MCC: variants seen among roughly 807,000 people sequenced by gnomAD.
The protein encoded by MCC is colorectal mutant cancer protein.
A neutral mutation model predicts 116.2 loss-of-function variants in MCC; 90 were observed. The ratio of observed to expected loss-of-function variants is 0.77; its 90% CI spans 0.65 to 0.92. The LOEUF (loss-of-function observed/expected upper bound fraction) is 0.92. Among genes scored for constraint, MCC ranks in the 40% least tolerant of loss-of-function variants. The probability of loss-of-function intolerance (pLI) is 0.00; values close to 1 mark genes in which losing one functional copy is unlikely to be tolerated. For synonymous variants in MCC, 578 were observed against 510.5 expected, an observed-to-expected ratio of 1.13 and a Z score of -1.78; for missense variants, 1,516 against 1,312.2, an observed-to-expected ratio of 1.16 and a Z score of -2.40.
intron 3 of MCC, among the ~76,000 whole-genome samples, chr5:113,303,656 T>A (rs1766915990): frequency 6.6e-6 from 1 of 152,060 alleles, no homozygotes; most frequent in Admixed American, 6.5e-5. Context: ...TGAGAGAGCA[T>A]ATGGAGATAA....
chr5:113,068,038 C>A (rs1184781502), intron 13 of MCC, 42 bp downstream of exon 13: 12 of 1,515,456 alleles, frequency 7.9e-6, no homozygotes, highest in Non-Finnish European at 1.1e-5. Flanking sequence ...GCAAAGGAGG[C>A]AGGGAGACAA....
chr5:113,399,074 G>A (rs544668578), intron 1 of MCC, among the ~76,000 whole-genome samples: 15 of 152,188 alleles, frequency 9.9e-5, no homozygotes, highest in African/African-American at 3.4e-4. Context: ...GACAGCACAA[G>A]TATAGAATAT....
intron 11 of MCC, among the ~76,000 whole-genome samples, chr5:113,080,699 T>C (rs998853934): frequency 1.3e-5 from 2 of 151,802 alleles, no homozygotes; most frequent in African/African-American, 2.4e-5. Flanking sequence ...ATATACCTAA[T>C]GTAAATGATG....
chr5:113,425,117 T>C (rs1448798529), intron 1 of MCC, among the ~76,000 whole-genome samples: 1 of 151,966 alleles, frequency 6.6e-6, no homozygotes, highest in Non-Finnish European at 1.5e-5. Context: ...ATCAGAACAT[T>C]GGGCAAAGAG....
chr5:113,079,696 G>T (rs149649358), intron 11 of MCC, among the ~76,000 whole-genome samples: 6 of 152,008 alleles, frequency 3.9e-5, no homozygotes, highest in African/African-American at 1.4e-4. Flanking sequence ...ACCTAAAACC[G>T]TAAAACCTCT....
At chr5:113,401,154 C>A (rs1262478177) in intron 1 of MCC, among the ~76,000 whole-genome samples, 1 of 152,116 alleles carries the variant, frequency 6.6e-6, no homozygotes, top group African/African-American at 2.4e-5. Flanking sequence ...TCCTTCAGAT[C>A]ATTTCAGGTC....
chr5:113,445,252 G>T (rs1771176756), intron 1 of MCC, among the ~76,000 whole-genome samples: 2 of 152,082 alleles, frequency 1.3e-5, no homozygotes, highest in South Asian at 4.1e-4. Context: ...GAGCAATCAG[G>T]CAAGAGAAAT....
intron 3 of MCC, among the ~76,000 whole-genome samples, chr5:113,171,772 T>G (rs917808120): frequency 3.9e-5 from 6 of 152,056 alleles, no homozygotes; most frequent in African/African-American, 1.4e-4. Context: ...GGCAAGGGAA[T>G]TCTCCAGAAT....
intron 4 of MCC, among the ~76,000 whole-genome samples, chr5:113,147,871 A>G (rs1759618139): frequency 6.6e-6 from 1 of 152,250 alleles, no homozygotes; most frequent in Non-Finnish European, 1.5e-5. Context: ...TCAGAAAACA[A>G]GAGAAAAAGA....
At chr5:113,137,008 T>C (rs1222252386) in intron 5 of MCC, among the ~76,000 whole-genome samples, 3 of 152,176 alleles carry the variant, frequency 2.0e-5, no homozygotes, top group African/African-American at 7.2e-5. Flanking sequence ...ATAGGTTGCC[T>C]TTATTTTGAG....
At chr5:113,460,614 C>T (rs1389606627) in intron 1 of MCC, among the ~76,000 whole-genome samples, 1 of 152,208 alleles carries the variant, frequency 6.6e-6, no homozygotes, top group Non-Finnish European at 1.5e-5. Flanking sequence ...ACGCTGTACG[C>T]TGTGTGCCTT....
rs369522941 is a variant in MCC, at chr5:113,385,196, C to T, written c.187G>A (p.Val63Ile). ...GYISRNDLLM[V>I]CRQLNMEESV... is the part of the protein sequence containing the mutation. ...TCTTCCATATTCAGCTGGCGACAGACCATTAGCAAGTCATTTCTGCAGAAG... is the reference window on the plus strand; with the variant it reads ...TCTTCCATATTCAGCTGGCGACAGATCATTAGCAAGTCATTTCTGCAGAAG... The change falls in exon 2 of 19, where the codon GTC becomes ATC. Residue 63 changes from valine to isoleucine, a missense_variant. Val to Ile is a conservative substitution (Grantham distance 29). Coordinates refer to ENST00000408903, the MANE Select transcript of MCC (RefSeq NM_001085377.2). The T allele has an allele frequency of 6.2e-7, 1 of 1,613,676 alleles. No homozygotes were observed. The highest frequency in any genetic ancestry group is 1.7e-5 in the Admixed American group (1 of 59,974).
intron 3 of MCC, among the ~76,000 whole-genome samples, chr5:113,206,453 G>A (rs1024703469): frequency 3.3e-5 from 5 of 152,072 alleles, no homozygotes; most frequent in Non-Finnish European, 5.9e-5. Context: ...AGTAGCTCAC[G>A]CCTATAATCC....
chr5:113,263,335 A>G (rs747099149), intron 3 of MCC, among the ~76,000 whole-genome samples: 17 of 152,210 alleles, frequency 1.1e-4, no homozygotes, highest in Non-Finnish European at 2.4e-4. Flanking sequence ...GGAATCTACA[A>G]GAGGAGACAT....
intron 1 of MCC, among the ~76,000 whole-genome samples, chr5:113,392,638 G>T (rs986146053): frequency 6.6e-6 from 1 of 152,090 alleles, no homozygotes; most frequent in Non-Finnish European, 1.5e-5. Flanking sequence ...GCAAAGAATT[G>T]AGAAGAGGTT....
At chr5:113,397,410 A>G (rs544812828) in intron 1 of MCC, among the ~76,000 whole-genome samples, 1 of 152,334 alleles carries the variant, frequency 6.6e-6, no homozygotes, top group Admixed American at 6.5e-5. Flanking sequence ...ATATCTGAAA[A>G]AACGCTTTTG....
intron 1 of MCC, among the ~76,000 whole-genome samples, chr5:113,402,548 T>C (rs1769722193): frequency 6.6e-6 from 1 of 152,162 alleles, no homozygotes; most frequent in African/African-American, 2.4e-5. Context: ...TCCAAACTAC[T>C]TTAGTTTTAG....
chr5:113,488,355 G>A lies in MCC; in HGVS notation c.60C>T (p.Gly20=), dbSNP rs1324794418. The A allele has an allele frequency of 2.0e-6, 3 of 1,512,010 alleles. No homozygotes were observed. Among genetic ancestry groups the A allele is most frequent in the Middle Eastern group, 1.7e-4 (1 of 5,770 alleles). The allele number at this position is 1,512,010 out of a possible 1,614,324, so 93.7% of individuals were successfully genotyped here. Residue 20 remains glycine, a synonymous_variant, in exon 1 of 19, where the codon GGC becomes GGT. Coordinates refer to ENST00000408903, the MANE Select transcript of MCC (RefSeq NM_001085377.2). The part of the protein sequence containing the change: ...AGSSSSGGGG[G]GSGSSSSSSD... ...TGCTGCTGCTGCTGCTGCCGCTGCC[G>A]CCGCCGCCGCCGCCGCTGCTGGAGC...
chr5:113,454,506 G>A (rs1167044002), intron 1 of MCC, among the ~76,000 whole-genome samples: 1 of 152,170 alleles, frequency 6.6e-6, no homozygotes, highest in Non-Finnish European at 1.5e-5. Flanking sequence ...CTAGTTAAAT[G>A]TCAGTCATAA....
Sources: allele counts gnomAD v4.1 joint callset (sites outside exome capture counted in the v4.1 genomes callset), GRCh38; gene constraint gnomAD v4.1.1; transcripts MANE v1.5; gene names NCBI Gene and HGNC (gene_info 2026-07-23, HGNC 2026-07-21).